Variants in KIF16B observed in about 807,000 individuals in gnomAD.
KIF16B encodes kinesin family member 16B.
In KIF16B, 98 loss-of-function variants were observed where a neutral mutation model predicts 156.3. The ratio of observed to expected loss-of-function variants is 0.63; its 90% confidence interval spans 0.53 to 0.74. The LOEUF is 0.74. KIF16B is among the 30% of genes least tolerant of loss of function. KIF16B has a pLI of 0.00. For missense variants in KIF16B, 1,421 were observed against 1,606.5 expected (o/e 0.88, Z 1.97); for synonymous variants, 564 against 583.7 (o/e 0.97, Z 0.49).
At chr20:16,382,070 T>C in intron 17 of KIF16B, 1 of 1,308,642 alleles carries the variant, frequency 7.6e-7, no homozygotes, top group Non-Finnish European at 1.0e-6. Flanking sequence ...TTAGCACTGA[T>C]GAGTATATAA....
intron 12 of KIF16B, among the ~76,000 whole-genome samples, chr20:16,430,901 G>A (rs970762380): frequency 1.3e-5 from 2 of 151,192 alleles, no homozygotes; most frequent in African/African-American, 4.9e-5. Context: ...CTATGGAGAT[G>A]TCAAACAGGC....
chr20:16,497,649 T>TA lies in KIF16B; in HGVS notation c.1205dup (p.Leu402PhefsTer11), dbSNP rs757833389. On this transcript the variant is annotated frameshift_variant, in exon 11 of 26. Coordinates refer to ENST00000354981, the MANE Select transcript of KIF16B (RefSeq NM_024704.5). LOFTEE classifies it high-confidence loss of function. ...TCTGCTGAAGTTTTTCCTCCATACT[T>TA]AAAGCTGTGGGGGAGTCTAAGAGGG... is the stretch of plus-strand genomic sequence containing the variant. 1 of 1,611,584 alleles carries TA rather than the reference T, an allele frequency of 6.2e-7. No individual in the cohort carries two copies. The highest frequency in any genetic ancestry group is 8.5e-7 in the Non-Finnish European group (1 of 1,177,930).
At chr20:16,437,773 A>G (rs944491835) in intron 12 of KIF16B, among the ~76,000 whole-genome samples, 1 of 152,088 alleles carries the variant, frequency 6.6e-6, no homozygotes, top group Non-Finnish European at 1.5e-5. Flanking sequence ...GTGAAGAATC[A>G]CTCATGAATT....
In KIF16B at chr20:16,379,429, T is replaced by C; in HGVS notation, c.2573A>G (p.Gln858Arg). The change falls in exon 19 of 26, where the codon CAG (glutamine) becomes CGG (arginine). Residue 858 changes from glutamine to arginine, a missense_variant. Gln to Arg is a conservative substitution (Grantham distance 43, BLOSUM62 1). Coordinates refer to ENST00000354981, the MANE Select transcript of KIF16B (RefSeq NM_024704.5). ...ACATTTTAAACACTCTAGGATCTCCTGTTCTTCTTGGACTTCTTTTTTCAG... is the reference window on the plus strand; with the variant it reads ...ACATTTTAAACACTCTAGGATCTCCCGTTCTTCTTGGACTTCTTTTTTCAG... ...DILKKEVQEE[Q>R]EILECLKCEH... 3 of 1,613,324 alleles carry C rather than the reference T, an allele frequency of 1.9e-6. No individual in the cohort carries two copies. The highest frequency in any genetic ancestry group is 2.5e-6 in the Non-Finnish European group (3 of 1,179,844).
chr20:16,417,738 A>G (rs181288213), intron 15 of KIF16B, among the ~76,000 whole-genome samples: 12 of 152,188 alleles, frequency 7.9e-5, no homozygotes, highest in African/African-American at 2.4e-4. Context: ...AAAATAAAAA[A>G]CTCATTGGTA....
At chr20:16,440,117 T>C (rs2066752247) in intron 12 of KIF16B, among the ~76,000 whole-genome samples, 1 of 152,110 alleles carries the variant, frequency 6.6e-6, no homozygotes, top group African/African-American at 2.4e-5. Context: ...TTGCTGTCTG[T>C]CCCTGCAGAA....
chr20:16,296,936 G>A (rs906585418), intron 25 of KIF16B, among the ~76,000 whole-genome samples: 1 of 152,204 alleles, frequency 6.6e-6, no homozygotes, highest in Non-Finnish European at 1.5e-5. Flanking sequence ...GTGAAGGCCT[G>A]AACAGAACAA....
At chr20:16,571,724 G>T (rs987701929) in intron 1 of KIF16B, among the ~76,000 whole-genome samples, 1 of 151,770 alleles carries the variant, frequency 6.6e-6, no homozygotes, top group Admixed American at 6.6e-5. Context: ...CTGCCTCCTG[G>T]GTTCACACCA....
intron 12 of KIF16B, among the ~76,000 whole-genome samples, chr20:16,438,982 G>A (rs187146597): frequency 2.5e-4 from 38 of 152,174 alleles, no homozygotes; most frequent in African/African-American, 7.0e-4. Flanking sequence ...GGGAAGGAGC[G>A]GTCTGTGAAC....
At chr20:16,519,540 T>G (rs1270333554) in intron 3 of KIF16B, among the ~76,000 whole-genome samples, 1 of 152,134 alleles carries the variant, frequency 6.6e-6, no homozygotes, top group Non-Finnish European at 1.5e-5. Flanking sequence ...GGACTACATT[T>G]CTCAAATGTT....
At chr20:16,449,463 C>T (rs949713829) in intron 12 of KIF16B, among the ~76,000 whole-genome samples, 1 of 152,198 alleles carries the variant, frequency 6.6e-6, no homozygotes, top group African/African-American at 2.4e-5. Context: ...TCTTCACTCA[C>T]ATAGTTCTTC....
At chr20:16,459,181 A>G (rs1249173979) in intron 12 of KIF16B, among the ~76,000 whole-genome samples, 1 of 152,198 alleles carries the variant, frequency 6.6e-6, no homozygotes, top group Non-Finnish European at 1.5e-5. Flanking sequence ...TTACACTCTC[A>G]TCATCAAGAC....
chr20:16,568,058 CTA>C (rs1227909601), intron 1 of KIF16B, among the ~76,000 whole-genome samples: 2 of 152,202 alleles, frequency 1.3e-5, no homozygotes, highest in Non-Finnish European at 2.9e-5. Context: ...ACCTAAGAGG[CTA>C]ACCATGAACT....
chr20:16,273,661 C>CCCAA (rs894290703), intron 25 of KIF16B, among the ~76,000 whole-genome samples: 1 of 149,278 alleles, frequency 6.7e-6, no homozygotes, highest in African/African-American at 2.5e-5. Flanking sequence ...AAGACCCTGT[C>CCCAA]TCAATCAATC....
chr20:16,551,132 C>CTTCTTTTTTTTTT (rs55770608), intron 1 of KIF16B, among the ~76,000 whole-genome samples: 1 of 139,118 alleles, frequency 7.2e-6, no homozygotes, highest in Non-Finnish European at 1.5e-5. Context: ...GCTTTCTCTT[C>CTTCTTTTTTTTTT]TTTTTTTTTT....
rs1834308025 is a variant in KIF16B, at chr20:16,292,747, TC to T, written c.3796-19337del. On this transcript the variant is annotated intron_variant, in intron 25 of 25. Transcript: ENST00000354981. Reference sequence around the variant, plus strand: ...ATGTGCAAGAAGAATTTTAAACACGTCTTTTAGGCTGTTGCAACAAAGGGAC... The same window carrying T: ...ATGTGCAAGAAGAATTTTAAACACGTTTTTAGGCTGTTGCAACAAAGGGAC... Among the ~76,000 whole-genome samples the T allele has an allele frequency of 2.6e-5, 4 of 152,328 alleles. No homozygotes were observed. In the East Asian group the frequency reaches 5.8e-4, roughly 22 times the overall value.
rs1000257612 is a variant in KIF16B, at chr20:16,485,940, T to C, written c.1302+8351A>G. Among the ~76,000 whole-genome samples, 5 of 152,276 alleles carry C rather than the reference T, an allele frequency of 3.3e-5. No homozygotes were observed. In the East Asian group the frequency reaches 7.7e-4, roughly 24 times the overall value. On this transcript the variant is annotated intron_variant, in intron 12 of 25. Coordinates refer to ENST00000354981, the MANE Select transcript of KIF16B (RefSeq NM_024704.5). Reference sequence around the variant, plus strand: ...ATATAAATTCACTTAGCATAAGTTATCTTTGTAAGTAAATTTAACTAATAA... The same window carrying C: ...ATATAAATTCACTTAGCATAAGTTACCTTTGTAAGTAAATTTAACTAATAA...
In KIF16B at chr20:16,573,371, T is replaced by G. The variant is rs2122265329; in HGVS notation, c.-96A>C. ...ACTCAGATCGCGGCTCCCGCCCACT[T>G]CCCTCTCGCCCCCGCCCCTCTGCTC... On this transcript the variant is annotated 5_prime_UTR_variant, in exon 1 of 26. Coordinates refer to ENST00000354981, the MANE Select transcript of KIF16B (RefSeq NM_024704.5). The G allele has an allele frequency of 7.5e-7, 1 of 1,339,730 alleles. No individual in the cohort carries two copies. Among genetic ancestry groups the G allele is most frequent in the East Asian group, 2.5e-5 (1 of 40,122 alleles). The allele number at this position is 1,339,730 out of a possible 1,614,324, so 83.0% of individuals were successfully genotyped here.
At chr20:16,525,026 G>A (rs984990178) in intron 3 of KIF16B, among the ~76,000 whole-genome samples, 5 of 152,120 alleles carry the variant, frequency 3.3e-5, no homozygotes, top group Non-Finnish European at 5.9e-5. Context: ...AAGCCTGTCA[G>A]GGGGTAGGGA....
Sources: gnomAD v4.1 joint callset for allele counts (sites outside exome capture counted in the v4.1 genomes callset) on GRCh38, gnomAD v4.1.1 for gene constraint, MANE v1.5 for transcripts, NCBI Gene and HGNC (gene_info 2026-07-23, HGNC 2026-07-21) for gene names.